Variants in CUL4A observed in about 807,000 individuals in gnomAD.
CUL4A encodes cullin 4A, also known as cullin-4A.
Under a neutral mutation model 95.5 loss-of-function variants are expected in CUL4A, and 16 were observed. That is an observed-to-expected ratio of 0.17 (90% CI 0.11 to 0.25). CUL4A has a LOEUF of 0.25. Ranked by LOEUF, CUL4A falls within the 10% of genes least tolerant of loss-of-function variation. CUL4A has a pLI of 1.00. For synonymous variants in CUL4A, 380 were observed against 353.1 expected, an observed-to-expected ratio of 1.08 and a Z score of -0.85; for missense variants, 610 against 937.0, an observed-to-expected ratio of 0.65 and a Z score of 4.56.
At chr13:113,242,916 C>A in intron 10 of CUL4A, 52 bp from the exon 11 acceptor site, 3 of 1,381,294 alleles carry the variant, frequency 2.2e-6, no homozygotes, top group Non-Finnish European at 3.0e-6. Flanking sequence ...GGAGAAGATA[C>A]TGTTTGCTAT....
intron 10 of CUL4A, among the ~76,000 whole-genome samples, chr13:113,242,007 A>G (rs1299921200): frequency 6.6e-6 from 1 of 152,134 alleles, no homozygotes; most frequent in Non-Finnish European, 1.5e-5. Flanking sequence ...TGTTTAATAT[A>G]ACAGTTTTAA....
chr13:113,233,831 T>C, intron 6 of CUL4A, 66 bp from the exon 7 acceptor site: 2 of 928,404 alleles, frequency 2.2e-6, no homozygotes, highest in Non-Finnish European at 3.5e-6. Context: ...GAAACTGGGA[T>C]GTGTTAGCAC....
chr13:113,208,899 T>G, upstream of CUL4A: 1 of 1,386,978 alleles, frequency 7.2e-7, no homozygotes, highest in Middle Eastern at 2.7e-4. Context: ...GCTGAGGGGT[T>G]TGGGGTCCAG....
intron 9 of CUL4A, 113 bp from the exon 10 acceptor site, chr13:113,239,320 C>T (rs559655134): frequency 1.8e-5 from 16 of 903,210 alleles, no homozygotes; most frequent in Admixed American, 1.8e-5. Context: ...TGTGGAGACC[C>T]GCCCAATTTC....
Position 113,255,100 on chromosome 13 carries a change from TC to T in CUL4A, c.2007del (p.Asn670IlefsTer5). ...EFKHKLFRIK[I>X]NQIQMKETVE... is the part of the protein sequence containing the mutation. ...AAGCACAAGTTGTTTAGAATAAAGA[TC>T]AATCAAATTCAGATGAAGGAAACTG... On this transcript the variant is annotated frameshift_variant, in exon 18 of 20. Coordinates refer to ENST00000375440, the MANE Select transcript of CUL4A (RefSeq NM_001008895.4). LOFTEE classifies it high-confidence loss of function. 6.2e-7 allele frequency: 1 copy of T among 1,611,688 alleles called. No individual in the cohort carries two copies. Among genetic ancestry groups the T allele is most frequent in the Non-Finnish European group, 8.5e-7 (1 of 1,178,380 alleles).
intron 3 of CUL4A, chr13:113,219,745 T>A (rs893841525): frequency 6.6e-6 from 1 of 152,296 alleles, no homozygotes; most frequent in Non-Finnish European, 1.5e-5. Context: ...CAAGGAATGA[T>A]GACCTTCGTA....
At chr13:113,243,225 T>A in intron 11 of CUL4A, 65 bp downstream of exon 11, 1 of 1,457,880 alleles carries the variant, frequency 6.9e-7, no homozygotes, top group South Asian at 1.3e-5. Flanking sequence ...TTCTAGACAA[T>A]TTTTTAATAT....
chr13:113,220,198 T>C (rs547052770), intron 3 of CUL4A, among the ~76,000 whole-genome samples: 1 of 152,338 alleles, frequency 6.6e-6, no homozygotes, highest in Non-Finnish European at 1.5e-5. Context: ...TTGGTGCTGC[T>C]GAAGTTGAAG....
At chr13:113,260,076 G>A (rs1296678320) in intron 18 of CUL4A, among the ~76,000 whole-genome samples, 1 of 150,214 alleles carries the variant, frequency 6.7e-6, no homozygotes, top group African/African-American at 2.4e-5. Flanking sequence ...TGGTGGGGGG[G>A]CACCGTAGTC....
Position 113,263,524 on chromosome 13 carries a change from A to T in CUL4A, c.2222A>T (p.Asp741Val). The T allele has an allele frequency of 6.2e-7, 1 of 1,608,878 alleles. No individual in the cohort carries two copies. The highest frequency in any genetic ancestry group is 8.5e-7 in the Non-Finnish European group (1 of 1,177,718). ...AAAAAGAGAATTGAATCTCTGATAG[A>T]CAGAGACTATATGGAGAGAGACAAA... ...DLKKRIESLI[D>V]RDYMERDKDN... Residue 741 changes from aspartate to valine, a missense_variant, in exon 20 of 20, where the codon GAC becomes GTC. Asp to Val is a radical substitution (Grantham distance 152). This residue lies in a region of CUL4A where 31 missense variants were observed against 40.3 expected (regional missense o/e 0.77). Coordinates refer to ENST00000375440, the MANE Select transcript of CUL4A (RefSeq NM_001008895.4).
intron 5 of CUL4A, among the ~76,000 whole-genome samples, chr13:113,231,968 T>A (rs1416968316): frequency 1.2e-4 from 17 of 147,232 alleles, no homozygotes; most frequent in Non-Finnish European, 2.1e-4. Flanking sequence ...CATAATATTA[T>A]TAATAATACT....
chr13:113,216,023 G>T (rs930256430), intron 2 of CUL4A, among the ~76,000 whole-genome samples: 16 of 141,608 alleles, frequency 1.1e-4, no homozygotes, highest in Admixed American at 2.2e-4. Context: ...GGCTGTGGAG[G>T]TCGTGTGTGA....
intron 4 of CUL4A, among the ~76,000 whole-genome samples, chr13:113,229,104 G>A (rs2041216240): frequency 6.6e-6 from 1 of 152,136 alleles, no homozygotes; most frequent in African/African-American, 2.4e-5. Flanking sequence ...GGGCGACAGA[G>A]CGAGACTCCG....
At position 113,245,133 on chromosome 13, in the gene CUL4A, C is replaced by A. The variant is rs61967871; in HGVS notation, c.1445-19C>A. On this transcript the variant is annotated intron_variant, in intron 13 of 19. Transcript: ENST00000375440. ...CCCGTGTGTTACCCCGATCTCACTC[C>A]CTCCTTTGCTGTGTCCAGAGTGCGG... The A allele has an allele frequency of 0.029, 46,503 of 1,613,652 alleles. 829 individuals carry two copies. The highest frequency in any genetic ancestry group is 0.044 in the South Asian group (3,968 of 91,064).
chr13:113,254,024 GT>G (rs971288861), intron 16 of CUL4A, among the ~76,000 whole-genome samples: 4 of 152,142 alleles, frequency 2.6e-5, no homozygotes, highest in Non-Finnish European at 5.9e-5. Flanking sequence ...ATTATCCCCA[GT>G]TTTTTACCTA....
intron 5 of CUL4A, among the ~76,000 whole-genome samples, chr13:113,232,134 A>G: frequency 1.4e-5 from 2 of 144,178 alleles, no homozygotes; most frequent in Admixed American, 6.7e-5. Context: ...TGTCACCACT[A>G]CCCGCCCACC....
At chr13:113,232,594 G>A (rs779635708) in intron 5 of CUL4A, among the ~76,000 whole-genome samples, 9 of 152,234 alleles carry the variant, frequency 5.9e-5, no homozygotes, top group Non-Finnish European at 1.3e-4. Context: ...GACAGCCACT[G>A]GCAGCTGAAC....
At chr13:113,238,433 CA>C (rs894655457) in intron 9 of CUL4A, among the ~76,000 whole-genome samples, 24 of 138,178 alleles carry the variant, frequency 1.7e-4, no homozygotes, top group Non-Finnish European at 1.6e-4. Context: ...AGACCTGTCT[CA>C]AAAAAAAAAG....
rs1315700545 is a variant in CUL4A at position 113,260,876 on chromosome 13, A to G, written c.2184+117A>G. ...CTGCATTATTCATGGTGCTTTGTGT[A>G]TACACTGAATGTAGAAAAACTGGCA... is the stretch of plus-strand genomic sequence containing the variant. On this transcript the variant is annotated intron_variant, in intron 19 of 19. Transcript: ENST00000375440. 5 of 796,444 alleles carry G rather than the reference A, an allele frequency of 6.3e-6. No homozygotes were observed. In the African/African-American group the frequency reaches 8.8e-5, roughly 14 times the overall value. 49.3% of individuals were successfully genotyped at this position (796,444 alleles called of 1,614,324 possible).
Sources: gnomAD v4.1 joint callset for allele counts (sites outside exome capture counted in the v4.1 genomes callset) on GRCh38, gnomAD v4.1.1 for gene constraint, gnomAD v4.1.1 regional missense constraint, MANE v1.5 for transcripts, NCBI Gene and HGNC (gene_info 2026-07-23, HGNC 2026-07-21) for gene names.